ADAMTS20: variants seen among roughly 807,000 people sequenced by gnomAD.
ADAMTS20 encodes A disintegrin and metalloproteinase with thrombospondin motifs 20.
ADAMTS20 carries 225 observed loss-of-function variants against 260.1 expected under a neutral mutation model. The observed-to-expected ratio is 0.87, with a 90% CI of 0.78 to 0.97. ADAMTS20 has a LOEUF of 0.97. Among genes scored for constraint, ADAMTS20 ranks in the 50% least tolerant of loss-of-function variants. The pLI, the probability that ADAMTS20 is intolerant of heterozygous loss-of-function variation, is 0.00. For missense variants in ADAMTS20, 2,400 were observed against 2,337.7 expected (o/e 1.03, Z -0.55); for synonymous variants, 802 against 769.5 (o/e 1.04, Z -0.70).
chr12:43,451,082 G>T (rs1333015832), intron 14 of ADAMTS20, among the ~76,000 whole-genome samples: 1 of 152,094 alleles, frequency 6.6e-6, no homozygotes, highest in African/African-American at 2.4e-5. Flanking sequence ...TATACAAAAT[G>T]GTATATTATT....
At chr12:43,502,428 A>G in intron 3 of ADAMTS20, 23 bp from the exon 4 acceptor site, 3 of 1,565,116 alleles carry the variant, frequency 1.9e-6, no homozygotes, top group Non-Finnish European at 2.6e-6. Context: ...AAAGAATATA[A>G]TGCAGAGCCA....
At chr12:43,494,054 G>A (rs112914135) in intron 4 of ADAMTS20, among the ~76,000 whole-genome samples, 60 of 152,208 alleles carry the variant, frequency 3.9e-4, no homozygotes, top group Admixed American at 3.4e-3. Context: ...CTGCAGTAGG[G>A]GTGTCTTCCA....
At chr12:43,381,780 C>CAAAAAAAAAAAAA (rs765135656) in intron 31 of ADAMTS20, among the ~76,000 whole-genome samples, 1 of 34,518 alleles carries the variant, frequency 2.9e-5, no homozygotes, top group African/African-American at 1.2e-4. Flanking sequence ...GACTGCATCT[C>CAAAAAAAAAAAAA]AAAAAAAAAA....
At chr12:43,447,443 T>C (rs1941783884) in intron 14 of ADAMTS20, among the ~76,000 whole-genome samples, 1 of 151,970 alleles carries the variant, frequency 6.6e-6, no homozygotes, top group African/African-American at 2.4e-5. Context: ...AATTCAACAC[T>C]CCTTCATGTT....
intron 7 of ADAMTS20, among the ~76,000 whole-genome samples, chr12:43,485,094 C>CAAA (rs59409245): frequency 8.4e-6 from 1 of 118,742 alleles, no homozygotes; most frequent in Admixed American, 8.2e-5. Context: ...AGGACGTAGC[C>CAAA]AAAAAAAAAA....
At chr12:43,426,182 G>A (rs1391550743) in intron 27 of ADAMTS20, among the ~76,000 whole-genome samples, 1 of 152,098 alleles carries the variant, frequency 6.6e-6, no homozygotes, top group Non-Finnish European at 1.5e-5. Context: ...TAACAAAACA[G>A]CTGTATAATG....
intron 28 of ADAMTS20, among the ~76,000 whole-genome samples, chr12:43,403,627 G>A (rs1176938733): frequency 6.6e-6 from 1 of 152,018 alleles, no homozygotes; most frequent in Non-Finnish European, 1.5e-5. Context: ...AAGATGAAAG[G>A]CATTTTTTTT....
Position 43,377,514 on chromosome 12 carries a change from T to C in ADAMTS20, c.4846A>G (p.Thr1616Ala). The C allele has an allele frequency of 6.2e-7, 1 of 1,613,662 alleles. No individual in the cohort carries two copies. The highest frequency in any genetic ancestry group is 8.5e-7 in the Non-Finnish European group (1 of 1,179,678). Reference sequence around the variant, plus strand: ...TGTTTCTTAGTAGATGGGATCTCGGTGCAATATGTAATCCTTTGTCTGTAA... The same window carrying C: ...TGTTTCTTAGTAGATGGGATCTCGGCGCAATATGTAATCCTTTGTCTGTAA... ...FSYRQRITYCTEIPSTKKHKL... is the reference protein window; with the variant it reads ...FSYRQRITYCAEIPSTKKHKL... The change falls in exon 32 of 39, where the codon ACC (threonine) becomes GCC (alanine). Residue 1616 changes from threonine to alanine, a missense_variant. By Grantham distance (58) the Thr-to-Ala change is moderately conservative. Transcript: ENST00000389420.
intron 4 of ADAMTS20, among the ~76,000 whole-genome samples, chr12:43,499,484 TG>T: frequency 7.6e-6 from 1 of 131,764 alleles, no homozygotes; most frequent in Non-Finnish European, 1.5e-5. Flanking sequence ...GTGATGATAC[TG>T]ATTTTTTTTT....
At chr12:43,549,461 A>T (rs7308262) in intron 2 of ADAMTS20, among the ~76,000 whole-genome samples, 13,658 of 152,062 alleles carry the variant, frequency 0.09, 785 homozygotes, top group Admixed American at 0.19. Flanking sequence ...TAAAAATTTT[A>T]AAAAAGGATA....
rs769160671 is a variant in ADAMTS20 at position 43,502,302 on chromosome 12, A to G, written c.717T>C (p.Asn239=). The G allele has an allele frequency of 6.2e-7, 1 of 1,612,442 alleles. No homozygotes were observed. The highest frequency in any genetic ancestry group is 1.1e-5 in the South Asian group (1 of 90,916). The change falls in exon 4 of 39, where the codon AAT becomes AAC. Residue 239 remains asparagine (N), a synonymous_variant. Transcript: ENST00000389420. ...GTCTTCTTTCATCTTTCAATGGTAC[A>G]TTTTTTGATGTGTGTCCTAAAACTC... is the stretch of plus-strand genomic sequence containing the variant. The part of the protein sequence containing the change: ...KERVLGHTSK[N]VPLKDERRHS...
chr12:43,481,525 G>A (rs1942441812), intron 7 of ADAMTS20, among the ~76,000 whole-genome samples: 1 of 152,010 alleles, frequency 6.6e-6, no homozygotes, highest in African/African-American at 2.4e-5. Context: ...TAAAGAAGAG[G>A]AAATATATTG....
At chr12:43,407,731 T>A (rs1940945697) in intron 28 of ADAMTS20, among the ~76,000 whole-genome samples, 1 of 152,148 alleles carries the variant, frequency 6.6e-6, no homozygotes, top group African/African-American at 2.4e-5. Flanking sequence ...TAATAAGTTT[T>A]GATAAAGAAT....
chr12:43,413,017 G>A (rs1477645511), intron 28 of ADAMTS20, among the ~76,000 whole-genome samples: 4 of 151,718 alleles, frequency 2.6e-5, no homozygotes, highest in African/African-American at 9.7e-5. Flanking sequence ...CACCATGTTG[G>A]CCAAGAAGGT....
chr12:43,480,435 G>C (rs1372441346), intron 7 of ADAMTS20, among the ~76,000 whole-genome samples: 1 of 152,058 alleles, frequency 6.6e-6, no homozygotes, highest in Non-Finnish European at 1.5e-5. Flanking sequence ...AGTTCCTTTC[G>C]ATATATACCC....
intron 16 of ADAMTS20, 70 bp from the exon 17 acceptor site, chr12:43,440,139 C>CATT: frequency 1.8e-6 from 1 of 556,140 alleles, no homozygotes. Context: ...ACTTGTTTAA[C>CATT]TTTTTTTTTT....
In ADAMTS20 at chr12:43,460,988, A is replaced by ATTTTT. The variant is rs1161740021; in HGVS notation, c.1614+1902_1614+1906dup. Reference sequence around the variant, plus strand: ...ATTATATATATATATATATATATATATTTTTTTTTTTTTTTTTTTTTTTGA... The same window carrying ATTTTT: ...ATTATATATATATATATATATATATATTTTTTTTTTTTTTTTTTTTTTTTTTTTGA... On this transcript the variant is annotated intron_variant, in intron 11 of 38. Coordinates refer to ENST00000389420, the MANE Select transcript of ADAMTS20 (RefSeq NM_025003.5). Among the ~76,000 whole-genome samples the ATTTTT allele has an allele frequency of 1.1e-3, 30 of 26,394 alleles. 2 individuals carry two copies. The highest frequency in any genetic ancestry group is 5.4e-3 in the South Asian group (2 of 370). 17.3% of individuals were successfully genotyped at this position (26,394 alleles called of 152,430 possible). A position where few individuals can be genotyped will look rare whatever the true frequency, so the allele number is the denominator to read the frequency against.
At chr12:43,378,152 T>C (rs1940271448) in intron 31 of ADAMTS20, among the ~76,000 whole-genome samples, 1 of 152,216 alleles carries the variant, frequency 6.6e-6, no homozygotes, top group Admixed American at 6.5e-5. Context: ...GAACAAAATA[T>C]ATAAAGCAAT....
intron 37 of ADAMTS20, among the ~76,000 whole-genome samples, chr12:43,365,617 T>G (rs1042403965): frequency 6.6e-6 from 1 of 151,938 alleles, no homozygotes; most frequent in Non-Finnish European, 1.5e-5. Context: ...TAACAAACTC[T>G]ATGAATATAC....
Sources: allele counts gnomAD v4.1 joint callset (sites outside exome capture counted in the v4.1 genomes callset), GRCh38; gene constraint gnomAD v4.1.1; transcripts MANE v1.5; gene names NCBI Gene and HGNC (gene_info 2026-07-23, HGNC 2026-07-21).